TENM4: variants seen among roughly 807,000 people sequenced by gnomAD.
TENM4 encodes teneurin-4.
TENM4 carries 82 observed loss-of-function variants against 243.3 expected under a neutral mutation model. That is an observed-to-expected ratio of 0.34 (90% CI 0.28 to 0.40). The LOEUF (loss-of-function observed/expected upper bound fraction) is 0.40. TENM4 is among the 10% of genes least tolerant of loss of function. The probability of loss-of-function intolerance (pLI) is 1.00; values close to 1 mark genes in which losing one functional copy is unlikely to be tolerated. For synonymous variants in TENM4, 1,412 were observed against 1,456.3 expected (o/e 0.97, Z 0.69); for missense variants, 3,138 against 3,673.3 (o/e 0.85, Z 3.77).
chr11:79,113,250 G>T (rs1036159980), intron 4 of TENM4, among the ~76,000 whole-genome samples: 5 of 136,964 alleles, frequency 3.7e-5, no homozygotes, highest in African/African-American at 1.3e-4. Context: ...AGGAGGAGAA[G>T]CAAGAGAGGG....
chr11:79,394,642 A>G (rs182589119), intron 1 of TENM4, among the ~76,000 whole-genome samples: 7 of 152,260 alleles, frequency 4.6e-5, no homozygotes. Flanking sequence ...TTGAAATCCT[A>G]ATTTCTGGTA....
chr11:79,171,274 G>T (rs553744426), intron 3 of TENM4, among the ~76,000 whole-genome samples: 1 of 152,304 alleles, frequency 6.6e-6, no homozygotes, highest in Admixed American at 6.5e-5. Flanking sequence ...TATGGTATTT[G>T]TGTGAAATGC....
chr11:78,746,953 G>T (rs762742844), intron 19 of TENM4, among the ~76,000 whole-genome samples: 34 of 152,264 alleles, frequency 2.2e-4, no homozygotes, highest in Non-Finnish European at 4.6e-4. Context: ...GACAGGGCAG[G>T]TCCTGCTTCA....
At position 78,655,868 on chromosome 11, in the gene TENM4, A is replaced by G. The variant is rs375090201; in HGVS notation, c.*2190T>C. On this transcript the variant is annotated 3_prime_UTR_variant, in exon 34 of 34. Transcript: ENST00000278550. ...CTGTTTTCCATCTCATCCAAGAATG[A>G]TCCTGCCAGATGGGAGCCCCCATCT... The G allele has an allele frequency of 1.2e-3, 183 of 152,388 alleles. 1 individual carries two copies. Among genetic ancestry groups the G allele is most frequent in the African/African-American group, 4.1e-3 (172 of 41,580 alleles). 9.4% of individuals were successfully genotyped at this position (152,388 alleles called of 1,614,324 possible).
chr11:79,320,767 A>G (rs971721675), intron 1 of TENM4, among the ~76,000 whole-genome samples: 1 of 152,230 alleles, frequency 6.6e-6, no homozygotes, highest in Admixed American at 6.5e-5. Flanking sequence ...AAAATAGCTA[A>G]CACTTACATA....
chr11:79,291,450 G>A (rs370603110), intron 2 of TENM4, among the ~76,000 whole-genome samples: 10 of 152,266 alleles, frequency 6.6e-5, no homozygotes, highest in African/African-American at 2.4e-4. Context: ...ATGGTCATGG[G>A]GGGGTGTGCC....
At chr11:78,994,244 T>C (rs1310955625) in intron 6 of TENM4, among the ~76,000 whole-genome samples, 1 of 152,228 alleles carries the variant, frequency 6.6e-6, no homozygotes, top group Non-Finnish European at 1.5e-5. Context: ...TTGGTAGTTG[T>C]TTTATTTCCT....
intron 12 of TENM4, among the ~76,000 whole-genome samples, chr11:78,851,102 A>G (rs1322326549): frequency 1.3e-5 from 2 of 152,198 alleles, no homozygotes; most frequent in Non-Finnish European, 2.9e-5. Flanking sequence ...TTTGAGAACC[A>G]TCTGTAAAGT....
chr11:78,664,783 G>A lies in TENM4; in HGVS notation c.7409-3192C>T, dbSNP rs1425169501. Among the ~76,000 whole-genome samples, 6 of 152,152 alleles carry A rather than the reference G, an allele frequency of 3.9e-5. No homozygotes were observed. In the East Asian group the frequency reaches 1.2e-3, roughly 29 times the overall value. On this transcript the variant is annotated intron_variant, in intron 32 of 33. Transcript: ENST00000278550. Reference sequence around the variant, plus strand: ...AAAAAATGCCCTATAAAGCCATTTTGCCTGAGGCTAAGAACTTGCATCTGA... The same window carrying A: ...AAAAAATGCCCTATAAAGCCATTTTACCTGAGGCTAAGAACTTGCATCTGA...
At chr11:79,146,089 A>G (rs1189702542) in intron 4 of TENM4, among the ~76,000 whole-genome samples, 2 of 152,016 alleles carry the variant, frequency 1.3e-5, no homozygotes, top group African/African-American at 2.4e-5. Flanking sequence ...GTGGGTTACT[A>G]GGTTACTCTG....
At chr11:78,948,944 G>T (rs1009596477) in intron 6 of TENM4, among the ~76,000 whole-genome samples, 2 of 152,318 alleles carry the variant, frequency 1.3e-5, no homozygotes, top group Admixed American at 1.3e-4. Context: ...GTGATGAGAC[G>T]TACATCTTAC....
chr11:78,828,387 G>A (rs976366033), intron 12 of TENM4, among the ~76,000 whole-genome samples: 1 of 152,196 alleles, frequency 6.6e-6, no homozygotes, highest in African/African-American at 2.4e-5. Context: ...TCTAGCAAGA[G>A]CTGCCAAGAT....
chr11:78,893,121 T>C (rs1452827091), intron 7 of TENM4, among the ~76,000 whole-genome samples: 1 of 152,254 alleles, frequency 6.6e-6, no homozygotes, highest in African/African-American at 2.4e-5. Context: ...GCCAGCGGCC[T>C]GGGTGGCAGT....
chr11:79,396,704 G>A (rs1590936233), intron 1 of TENM4, among the ~76,000 whole-genome samples: 3 of 152,146 alleles, frequency 2.0e-5, no homozygotes, highest in African/African-American at 7.2e-5. Flanking sequence ...TTTGTATGAC[G>A]CATGCATGGT....
At chr11:79,433,856 C>T (rs912319957) in intron 1 of TENM4, among the ~76,000 whole-genome samples, 3 of 152,202 alleles carry the variant, frequency 2.0e-5, no homozygotes, top group Non-Finnish European at 4.4e-5. Flanking sequence ...AGTATCAAAG[C>T]AGCATCTAAA....
At chr11:79,049,082 A>T (rs1859733213) in intron 6 of TENM4, among the ~76,000 whole-genome samples, 1 of 152,146 alleles carries the variant, frequency 6.6e-6, no homozygotes, top group African/African-American at 2.4e-5. Context: ...GGTAGAGACC[A>T]CGTCAGGTCC....
At chr11:79,126,654 C>T (rs568701408) in intron 4 of TENM4, among the ~76,000 whole-genome samples, 2 of 152,108 alleles carry the variant, frequency 1.3e-5, no homozygotes, top group Non-Finnish European at 2.9e-5. Context: ...AATTCTAGGT[C>T]GAATGGACAA....
chr11:79,396,035 C>G (rs1858337042), intron 1 of TENM4, among the ~76,000 whole-genome samples: 1 of 152,168 alleles, frequency 6.6e-6, no homozygotes, highest in South Asian at 2.1e-4. Flanking sequence ...AACATCAAGT[C>G]CTCATGCATT....
At chr11:78,694,555 G>A (rs952023453) in intron 28 of TENM4, among the ~76,000 whole-genome samples, 1 of 152,210 alleles carries the variant, frequency 6.6e-6, no homozygotes, top group Admixed American at 6.5e-5. Context: ...TGCCTCTGGT[G>A]GGAACTGCTT....
Sources: gnomAD v4.1 joint callset for allele counts (sites outside exome capture counted in the v4.1 genomes callset) on GRCh38, gnomAD v4.1.1 for gene constraint, MANE v1.5 for transcripts, NCBI Gene and HGNC (gene_info 2026-07-23, HGNC 2026-07-21) for gene names.